Variants in MAPK4 observed in about 807,000 individuals in gnomAD.
MAPK4 encodes the protein mitogen-activated protein kinase 4.
Under a neutral mutation model 47.7 loss-of-function variants are expected in MAPK4, and 22 were observed. That is an observed-to-expected ratio of 0.46 (90% CI 0.33 to 0.66). The LOEUF (loss-of-function observed/expected upper bound fraction) is 0.66. Ranked by LOEUF, MAPK4 falls within the 30% of genes least tolerant of loss-of-function variation. The pLI is 0.02. For synonymous variants in MAPK4, 390 were observed against 365.7 expected (o/e 1.07, Z -0.76); for missense variants, 736 against 831.7 (o/e 0.88, Z 1.42).
intron 1 of MAPK4, among the ~76,000 whole-genome samples, chr18:50,634,096 T>A (rs1191919753): frequency 6.6e-6 from 1 of 152,154 alleles, no homozygotes; most frequent in Non-Finnish European, 1.5e-5. Flanking sequence ...TTTATAACTC[T>A]CAGGTGCACC....
chr18:50,702,979 A>T (rs1034832691), intron 2 of MAPK4, among the ~76,000 whole-genome samples: 2 of 152,214 alleles, frequency 1.3e-5, no homozygotes, highest in Non-Finnish European at 2.9e-5. Flanking sequence ...TCTGCCTGCA[A>T]CTTGCAGGTT....
intron 4 of MAPK4, among the ~76,000 whole-genome samples, chr18:50,725,082 C>T (rs1911122780): frequency 6.6e-6 from 1 of 152,202 alleles, no homozygotes; most frequent in Admixed American, 6.5e-5. Flanking sequence ...TACATTCATG[C>T]TGGTTAGCAA....
At chr18:50,638,927 G>T (rs1214234525) in intron 1 of MAPK4, among the ~76,000 whole-genome samples, 1 of 152,154 alleles carries the variant, frequency 6.6e-6, no homozygotes, top group African/African-American at 2.4e-5. Flanking sequence ...CCTGCCCAAG[G>T]TGCTATGCTA....
At chr18:50,672,009 A>C (rs988987739) in intron 2 of MAPK4, among the ~76,000 whole-genome samples, 2 of 152,154 alleles carry the variant, frequency 1.3e-5, no homozygotes, top group Non-Finnish European at 2.9e-5. Context: ...CCTAAAGCAC[A>C]AATTCTCTCC....
chr18:50,604,928 C>T (rs1328577396), intron 1 of MAPK4, among the ~76,000 whole-genome samples: 4 of 152,200 alleles, frequency 2.6e-5, no homozygotes, highest in African/African-American at 9.7e-5. Context: ...GGCTCTGTAA[C>T]AAATGATAGT....
At chr18:50,595,783 T>G (rs140418468) in intron 1 of MAPK4, among the ~76,000 whole-genome samples, 1 of 152,360 alleles carries the variant, frequency 6.6e-6, no homozygotes, top group East Asian at 1.9e-4. Flanking sequence ...TGATTTGAAC[T>G]TTCTGCTTCT....
intron 1 of MAPK4, among the ~76,000 whole-genome samples, chr18:50,598,219 C>T (rs1209200514): frequency 6.6e-6 from 1 of 152,194 alleles, no homozygotes. Context: ...GCATGCCAAG[C>T]ACTGTGAAGG....
chr18:50,679,491 A>T (rs1908460633), intron 2 of MAPK4, among the ~76,000 whole-genome samples: 1 of 152,128 alleles, frequency 6.6e-6, no homozygotes. Context: ...CTGGATCCTC[A>T]TACCAACCCT....
At chr18:50,649,872 A>G (rs1376544598) in intron 1 of MAPK4, among the ~76,000 whole-genome samples, 1 of 152,204 alleles carries the variant, frequency 6.6e-6, no homozygotes, top group Admixed American at 6.5e-5. Context: ...TTGAGAACTC[A>G]TGAAACCCTG....
intron 1 of MAPK4, among the ~76,000 whole-genome samples, chr18:50,638,586 C>T (rs867043325): frequency 1.3e-5 from 2 of 152,166 alleles, no homozygotes; most frequent in African/African-American, 4.8e-5. Context: ...AGGTGAACGA[C>T]CCAAGAGGAG....
At chr18:50,633,365 C>T (rs2042850293) in intron 1 of MAPK4, among the ~76,000 whole-genome samples, 1 of 152,230 alleles carries the variant, frequency 6.6e-6, no homozygotes, top group Admixed American at 6.5e-5. Flanking sequence ...TCGCTGGACC[C>T]AGTAAGAGTG....
intron 1 of MAPK4, among the ~76,000 whole-genome samples, chr18:50,622,369 T>C (rs1212610710): frequency 1.3e-5 from 2 of 152,192 alleles, no homozygotes; most frequent in African/African-American, 4.8e-5. Context: ...CTTCCTCTGA[T>C]GTGTGGGGAC....
chr18:50,622,213 G>A (rs745379364), intron 1 of MAPK4, among the ~76,000 whole-genome samples: 4 of 152,152 alleles, frequency 2.6e-5, no homozygotes, highest in Admixed American at 1.3e-4. Context: ...ACACGTGCTG[G>A]TGGGTTCCCT....
intron 1 of MAPK4, among the ~76,000 whole-genome samples, chr18:50,636,112 C>G (rs2042885568): frequency 6.6e-6 from 1 of 152,248 alleles, no homozygotes; most frequent in African/African-American, 2.4e-5. Flanking sequence ...GGAGCACTTT[C>G]TCCCTCTCCC....
At chr18:50,662,319 A>T (rs925225564) in intron 1 of MAPK4, among the ~76,000 whole-genome samples, 1 of 152,108 alleles carries the variant, frequency 6.6e-6, no homozygotes, top group Non-Finnish European at 1.5e-5. Flanking sequence ...TTTCCTCCCC[A>T]CTTAGTTCCT....
intron 1 of MAPK4, among the ~76,000 whole-genome samples, chr18:50,604,536 A>G (rs187912899): frequency 2.6e-5 from 4 of 152,328 alleles, no homozygotes; most frequent in East Asian, 3.9e-4. Flanking sequence ...GCTAAATCCT[A>G]AACAGTTTTA....
chr18:50,607,187 AG>A (rs1337258207), intron 1 of MAPK4, among the ~76,000 whole-genome samples: 6 of 149,660 alleles, frequency 4.0e-5, no homozygotes, highest in South Asian at 2.1e-4. Flanking sequence ...TAATGGGGCC[AG>A]GGGGGAGGGG....
chr18:50,581,032 ACT>A (rs1251799496), intron 1 of MAPK4, among the ~76,000 whole-genome samples: 1 of 152,032 alleles, frequency 6.6e-6, no homozygotes, highest in Non-Finnish European at 1.5e-5. Flanking sequence ...ATTCATCCTC[ACT>A]CTGTGAGCAC....
At chr18:50,579,812 A>C (rs2149362140) in intron 1 of MAPK4, among the ~76,000 whole-genome samples, 1 of 152,328 alleles carries the variant, frequency 6.6e-6, no homozygotes, top group East Asian at 1.9e-4. Flanking sequence ...CCAGGTGTGC[A>C]TGAAGAAAAT....
Sources: gnomAD v4.1 joint callset for allele counts (sites outside exome capture counted in the v4.1 genomes callset) on GRCh38, gnomAD v4.1.1 for gene constraint, MANE v1.5 for transcripts, NCBI Gene and HGNC (gene_info 2026-07-23, HGNC 2026-07-21) for gene names.